Variants in PREX2 observed in about 807,000 individuals in gnomAD.
The protein encoded by PREX2 is phosphatidylinositol-3,4,5-trisphosphate dependent Rac exchange factor 2.
Under a neutral mutation model 203.2 loss-of-function variants are expected in PREX2, and 107 were observed. The observed-to-expected ratio is 0.53, with a 90% CI of 0.45 to 0.62. PREX2 has a LOEUF of 0.62. Among genes scored for constraint, PREX2 ranks in the 20% least tolerant of loss-of-function variants. The pLI is 0.00. For missense variants in PREX2, 1,777 were observed against 1,955.9 expected (o/e 0.91, Z 1.72); for synonymous variants, 672 against 663.6 (o/e 1.01, Z -0.19).
chr8:68,120,884 A>T, intron 29 of PREX2, 37 bp from the exon 30 acceptor site: 1 of 1,592,352 alleles, frequency 6.3e-7, no homozygotes, highest in South Asian at 1.1e-5. Context: ...TTTAGGAATT[A>T]TTTGAGACTT....
intron 1 of PREX2, among the ~76,000 whole-genome samples, chr8:68,013,782 T>G (rs1405066529): frequency 1.3e-5 from 2 of 152,202 alleles, no homozygotes; most frequent in African/African-American, 4.8e-5. Flanking sequence ...TTTACCTATC[T>G]GTAACCATAT....
At chr8:68,049,931 G>GA (rs879799214) in intron 8 of PREX2, among the ~76,000 whole-genome samples, 6 of 151,572 alleles carry the variant, frequency 4.0e-5, no homozygotes, top group Admixed American at 6.6e-5. Context: ...TGTATCTTTT[G>GA]AAAAAAATGA....
intron 34 of PREX2, among the ~76,000 whole-genome samples, chr8:68,150,453 G>C (rs979845039): frequency 6.6e-6 from 1 of 152,114 alleles, no homozygotes. Context: ...CCTTCATCCC[G>C]GAGGGGCTTG....
At chr8:68,196,124 C>T (rs1281884480) in intron 37 of PREX2, among the ~76,000 whole-genome samples, 1 of 152,006 alleles carries the variant, frequency 6.6e-6, no homozygotes, top group Non-Finnish European at 1.5e-5. Flanking sequence ...AATGACAAGT[C>T]TCCTGAGGGA....
intron 1 of PREX2, among the ~76,000 whole-genome samples, chr8:67,969,488 A>G (rs2129018744): frequency 6.6e-6 from 1 of 152,240 alleles, no homozygotes; most frequent in Non-Finnish European, 1.5e-5. Context: ...GGACCATCCC[A>G]TAATAATAAG....
chr8:67,952,677 T>A (rs923285524), intron 1 of PREX2, 142 bp downstream of exon 1: 40 of 1,176,846 alleles, frequency 3.4e-5, no homozygotes, highest in Non-Finnish European at 4.8e-5. Flanking sequence ...AATCCACGTG[T>A]GGACTCTGCG....
intron 3 of PREX2, 63 bp from the exon 4 acceptor site, chr8:68,021,973 A>ACATAGGTTAAATTTG: frequency 1.2e-6 from 1 of 807,026 alleles, no homozygotes; most frequent in Non-Finnish European, 2.2e-6. Context: ...TAAGCATATC[A>ACATAGGTTAAATTTG]CATAGGTTAA....
intron 1 of PREX2, among the ~76,000 whole-genome samples, chr8:67,993,858 G>A (rs1400226933): frequency 6.6e-6 from 1 of 152,116 alleles, no homozygotes; most frequent in Non-Finnish European, 1.5e-5. Flanking sequence ...AAATATATGA[G>A]CCAAAGGATT....
At chr8:68,192,274 C>T in intron 36 of PREX2, 61 bp from the exon 37 acceptor site, 1 of 1,328,560 alleles carries the variant, frequency 7.5e-7, no homozygotes, top group South Asian at 1.4e-5. Flanking sequence ...GCTATACCAA[C>T]CTATCTAAAA....
At chr8:68,187,125 G>T (rs1812206594) in intron 35 of PREX2, among the ~76,000 whole-genome samples, 1 of 151,884 alleles carries the variant, frequency 6.6e-6, no homozygotes, top group Non-Finnish European at 1.5e-5. Flanking sequence ...AGGTGGTACT[G>T]ATGAGCTATG....
chr8:68,004,571 T>C (rs1807040297), intron 1 of PREX2, among the ~76,000 whole-genome samples: 1 of 152,260 alleles, frequency 6.6e-6, no homozygotes, highest in Non-Finnish European at 1.5e-5. Context: ...AAAAGGACCA[T>C]GTCAAATGAT....
chr8:68,192,318 T>G lies in PREX2; in HGVS notation c.4414-17T>G. The G allele has an allele frequency of 6.4e-7, 1 of 1,565,528 alleles. No individual in the cohort carries two copies. On this transcript the variant is annotated splice_polypyrimidine_tract_variant and intron_variant, in intron 36 of 39. Coordinates refer to ENST00000288368, the MANE Select transcript of PREX2 (RefSeq NM_024870.4). ...CTAAACATGTTGAACTTGACGTTCA[T>G]CACTTTTTTTCTGCAGCTAATGAGG...
At chr8:68,081,456 C>T (rs1809521205) in intron 17 of PREX2, among the ~76,000 whole-genome samples, 2 of 152,100 alleles carry the variant, frequency 1.3e-5, no homozygotes. Flanking sequence ...TCTGGGAGGC[C>T]AAGTGGCTCA....
At position 68,053,132 on chromosome 8, in the gene PREX2, G is replaced by A; in HGVS notation, c.979G>A (p.Gly327Arg). Reference protein sequence around the residue: ...FHSSGHIVVNGWKIHNTAKNK... With the variant: ...FHSSGHIVVNRWKIHNTAKNK... ...TAGCAGTGGACACATTGTTGTTAATGGATGGAAGATACATAACACAGCAAA... is the reference window on the plus strand; with the variant it reads ...TAGCAGTGGACACATTGTTGTTAATAGATGGAAGATACATAACACAGCAAA... The change falls in exon 9 of 40, where the codon GGA becomes AGA. Residue 327 changes from glycine to arginine, a missense_variant. Physicochemically the swap from Gly to Arg is moderately radical, Grantham distance 125. Transcript: ENST00000288368. The A allele has an allele frequency of 6.2e-7, 1 of 1,613,378 alleles. No homozygotes were observed.
At chr8:68,190,927 T>A (rs972223409) in intron 35 of PREX2, among the ~76,000 whole-genome samples, 1 of 152,022 alleles carries the variant, frequency 6.6e-6, no homozygotes, top group African/African-American at 2.4e-5. Flanking sequence ...CGATAATTAT[T>A]TGGAAATTGC....
At chr8:67,959,415 G>A (rs1805573774) in intron 1 of PREX2, among the ~76,000 whole-genome samples, 3 of 152,164 alleles carry the variant, frequency 2.0e-5, no homozygotes, top group African/African-American at 7.2e-5. Flanking sequence ...TATTCAAGGA[G>A]TTTGGTGGTA....
At chr8:68,064,411 A>G (rs1239179017) in intron 11 of PREX2, among the ~76,000 whole-genome samples, 2 of 152,088 alleles carry the variant, frequency 1.3e-5, no homozygotes, top group African/African-American at 2.4e-5. Context: ...TGCCCGGGCT[A>G]GAGTACCCAG....
chr8:67,999,480 A>AAAAAAAG (rs1806873714), intron 1 of PREX2, among the ~76,000 whole-genome samples: 1 of 143,488 alleles, frequency 7.0e-6, no homozygotes, highest in Admixed American at 6.8e-5. Context: ...CAACAAACCA[A>AAAAAAAG]AAAAAAAAAA....
intron 14 of PREX2, among the ~76,000 whole-genome samples, chr8:68,074,203 G>T (rs1809279519): frequency 6.6e-6 from 1 of 152,112 alleles, no homozygotes; most frequent in African/African-American, 2.4e-5. Context: ...GACCTCAAGT[G>T]ATCCACCTGC....
Sources: gnomAD v4.1 joint callset for allele counts (sites outside exome capture counted in the v4.1 genomes callset) on GRCh38, gnomAD v4.1.1 for gene constraint, MANE v1.5 for transcripts, NCBI Gene and HGNC (gene_info 2026-07-23, HGNC 2026-07-21) for gene names.